ACMSD: variants seen among roughly 807,000 people sequenced by gnomAD.
ACMSD encodes the protein 2-amino-3-carboxymuconate-6-semialdehyde decarboxylase.
A neutral mutation model predicts 45.9 loss-of-function variants in ACMSD; 37 were observed. The observed-to-expected ratio is 0.81, with a 90% CI of 0.62 to 1.06. ACMSD has a LOEUF of 1.06. Ranked by LOEUF, ACMSD falls within the 50% of genes least tolerant of loss-of-function variation. The probability of loss-of-function intolerance (pLI) is 0.00; values close to 1 mark genes in which losing one functional copy is unlikely to be tolerated. For synonymous variants in ACMSD, 138 were observed against 148.8 expected (o/e 0.93, Z 0.53); for missense variants, 434 against 420.9 (o/e 1.03, Z -0.27).
chr2:134,901,303 A>G (rs577982130), intron 9 of ACMSD, among the ~76,000 whole-genome samples: 1 of 152,122 alleles, frequency 6.6e-6, no homozygotes, highest in Admixed American at 6.6e-5. Context: ...AGATGTACGG[A>G]TTTGTACCCT....
intron 8 of ACMSD, among the ~76,000 whole-genome samples, chr2:134,894,189 T>G (rs1327157699): frequency 6.6e-6 from 1 of 151,910 alleles, no homozygotes; most frequent in Non-Finnish European, 1.5e-5. Flanking sequence ...TTTGGTTCTT[T>G]GAAAAAATCA....
At chr2:134,844,887 T>C (rs1030700079) in intron 1 of ACMSD, among the ~76,000 whole-genome samples, 4 of 152,116 alleles carry the variant, frequency 2.6e-5, no homozygotes, top group Non-Finnish European at 4.4e-5. Flanking sequence ...TCCTAAAGAG[T>C]GGTCCTTAGG....
chr2:134,867,422 C>G (rs566341974), intron 5 of ACMSD, 157 bp from the exon 6 acceptor site: 86 of 413,756 alleles, frequency 2.1e-4, no homozygotes, highest in African/African-American at 1.7e-3. Flanking sequence ...TTGTCAATAT[C>G]TCTTCTATAT....
At chr2:134,847,293 A>T (rs1687095004) in intron 2 of ACMSD, among the ~76,000 whole-genome samples, 1 of 152,082 alleles carries the variant, frequency 6.6e-6, no homozygotes, top group South Asian at 2.1e-4. Context: ...ACCTCATCAG[A>T]CAGGGCCATG....
chr2:134,879,488 C>T (rs964648319), intron 8 of ACMSD, among the ~76,000 whole-genome samples: 2 of 152,120 alleles, frequency 1.3e-5, no homozygotes, highest in Non-Finnish European at 2.9e-5. Context: ...ACTCTGTATT[C>T]GTTACATGCT....
chr2:134,885,360 ACATATATAT>A lies in ACMSD; in HGVS notation c.849+12720_849+12728del, dbSNP rs1689330458. 2.0e-5 allele frequency among the ~76,000 whole-genome samples: 2 copies of A among 101,576 alleles called. 1 individual carries two copies. 66.6% of individuals were successfully genotyped at this position (101,576 alleles called of 152,430 possible). On this transcript the variant is annotated intron_variant, in intron 8 of 9. Transcript: ENST00000356140. ...ATATATTTATATATAATATATATTT[ACATATATAT>A]TATATATAATATATATGTAAATATA...
At chr2:134,885,285 T>TATAATA (rs10636216) in intron 8 of ACMSD, among the ~76,000 whole-genome samples, 5 of 104,364 alleles carry the variant, frequency 4.8e-5, no homozygotes, top group African/African-American at 2.0e-4. Context: ...ATATTATATA[T>TATAATA]TATATTTATA....
chr2:134,876,317 T>A (rs1688729063), intron 8 of ACMSD, among the ~76,000 whole-genome samples: 1 of 152,246 alleles, frequency 6.6e-6, no homozygotes, highest in Non-Finnish European at 1.5e-5. Flanking sequence ...TAAAATTTTT[T>A]AAACTTTTTG....
intron 6 of ACMSD, among the ~76,000 whole-genome samples, chr2:134,868,474 A>G (rs1688244248): frequency 7.7e-6 from 1 of 129,122 alleles, no homozygotes; most frequent in East Asian, 2.3e-4. Context: ...TTTTTTTGAG[A>G]CAAGGTCTCA....
chr2:134,855,241 C>T (rs947428526), intron 2 of ACMSD, among the ~76,000 whole-genome samples: 3 of 152,152 alleles, frequency 2.0e-5, no homozygotes, highest in Non-Finnish European at 4.4e-5. Context: ...TCTGTGGAAT[C>T]AAGCTCAGAA....
At chr2:134,901,687 T>A in intron 9 of ACMSD, 111 bp from the exon 10 acceptor site, 1 of 614,198 alleles carries the variant, frequency 1.6e-6, no homozygotes, top group Non-Finnish European at 2.7e-6. Context: ...AACCTGCTAG[T>A]ATTTTTCTCT....
intron 8 of ACMSD, among the ~76,000 whole-genome samples, chr2:134,890,397 G>C (rs1689707791): frequency 6.6e-6 from 1 of 151,922 alleles, no homozygotes; most frequent in Non-Finnish European, 1.5e-5. Context: ...GATGAAGAGT[G>C]ACAAAAAAGG....
chr2:134,873,696 C>T (rs1372532842), intron 8 of ACMSD: 1 of 152,178 alleles, frequency 6.6e-6, no homozygotes, highest in East Asian at 1.9e-4. Context: ...AGCATTTTAG[C>T]TTGGTAATCA....
chr2:134,898,790 T>G (rs1458162092), intron 9 of ACMSD, among the ~76,000 whole-genome samples: 4 of 152,138 alleles, frequency 2.6e-5, no homozygotes, highest in Non-Finnish European at 5.9e-5. Context: ...TTGTAATAAC[T>G]CTAGTTATTT....
chr2:134,843,815 G>T (rs1379049788), intron 1 of ACMSD, among the ~76,000 whole-genome samples: 1 of 152,186 alleles, frequency 6.6e-6, no homozygotes, highest in Non-Finnish European at 1.5e-5. Context: ...AACACTAGAA[G>T]ATCCTCTGCA....
intron 2 of ACMSD, among the ~76,000 whole-genome samples, chr2:134,856,364 C>A (rs1179533719): frequency 6.6e-6 from 1 of 152,288 alleles, no homozygotes; most frequent in African/African-American, 2.4e-5. Flanking sequence ...GGAGGCCCAA[C>A]GTAGATGCCA....
intron 5 of ACMSD, 105 bp downstream of exon 5, chr2:134,863,736 G>T: frequency 8.6e-7 from 1 of 1,158,194 alleles, no homozygotes; most frequent in South Asian, 1.4e-5. Flanking sequence ...CACTGGGAGG[G>T]GAGAGCGGTG....
At chr2:134,890,369 A>G (rs1689706306) in intron 8 of ACMSD, among the ~76,000 whole-genome samples, 2 of 152,048 alleles carry the variant, frequency 1.3e-5, no homozygotes, top group South Asian at 4.1e-4. Flanking sequence ...CTAATCTACA[A>G]TCTTCAAAAA....
rs189008688 is a variant in ACMSD, at chr2:134,879,108, G to A, written c.849+6467G>A. On this transcript the variant is annotated intron_variant, in intron 8 of 9. Coordinates refer to ENST00000356140, the MANE Select transcript of ACMSD (RefSeq NM_138326.3). Reference sequence around the variant, plus strand: ...TGGATTTAGTTTTTGCCAGAAATCCGTATCTTAACTTTAGCATCATTTGCT... The same window carrying A: ...TGGATTTAGTTTTTGCCAGAAATCCATATCTTAACTTTAGCATCATTTGCT... Among the ~76,000 whole-genome samples, 11 of 152,242 alleles carry A rather than the reference G, an allele frequency of 7.2e-5. No individual in the cohort carries two copies. The East Asian group carries it at 1.4e-3, about 19-fold the overall frequency.
Sources: allele counts gnomAD v4.1 joint callset (sites outside exome capture counted in the v4.1 genomes callset), GRCh38; gene constraint gnomAD v4.1.1; transcripts MANE v1.5; gene names NCBI Gene and HGNC (gene_info 2026-07-23, HGNC 2026-07-21).